The following TENM3 variants were observed in gnomAD, a reference collection of about 807,000 sequenced individuals.
The protein encoded by TENM3 is teneurin transmembrane protein 3.
TENM3 carries 63 observed loss-of-function variants against 255.1 expected under a neutral mutation model. The ratio of observed to expected loss-of-function variants is 0.25; its 90% CI spans 0.20 to 0.30. The LOEUF (loss-of-function observed/expected upper bound fraction) is 0.30. TENM3 is among the 10% of genes least tolerant of loss of function. TENM3 has a pLI of 1.00. For synonymous variants in TENM3, 1,306 were observed against 1,322.3 expected (o/e 0.99, Z 0.27); for missense variants, 2,929 against 3,461.1 (o/e 0.85, Z 3.86).
At chr4:182,311,729 C>T (rs117989370) in intron 1 of TENM3, among the ~76,000 whole-genome samples, 2,130 of 152,212 alleles carry the variant, frequency 0.014, 109 homozygotes, top group Admixed American at 0.087. Context: ...ATTAATAATT[C>T]GTCAAGGAGC....
At chr4:182,627,565 A>G (rs966987533) in intron 4 of TENM3, among the ~76,000 whole-genome samples, 10 of 59,986 alleles carry the variant, frequency 1.7e-4, no homozygotes, top group African/African-American at 6.2e-4. Context: ...TATCTTCTGA[A>G]TGTGAAAGAG....
chr4:181,928,478 A>C, the TENM3 span, among the ~76,000 whole-genome samples: 1 of 151,966 alleles, frequency 6.6e-6, no homozygotes, highest in Non-Finnish European at 1.5e-5. Flanking sequence ...ACAAGATTGG[A>C]GAAAAAAGAA....
At chr4:182,131,945 T>C in the TENM3 span, among the ~76,000 whole-genome samples, 1 of 152,164 alleles carries the variant, frequency 6.6e-6, no homozygotes, top group African/African-American at 2.4e-5. Flanking sequence ...AAGCTAAACA[T>C]TGGAGCAGTT....
chr4:182,434,679 T>G (rs1044564475), intron 3 of TENM3, among the ~76,000 whole-genome samples: 2 of 152,136 alleles, frequency 1.3e-5, no homozygotes, highest in African/African-American at 4.8e-5. Flanking sequence ...TATACTTTAT[T>G]TTTAAGGTTG....
the TENM3 span, among the ~76,000 whole-genome samples, chr4:181,579,592 T>G: frequency 6.6e-6 from 1 of 152,330 alleles, no homozygotes; most frequent in South Asian, 2.1e-4. Flanking sequence ...CTTTTATAAC[T>G]ATACCAAATT....
At chr4:182,101,437 T>C in the TENM3 span, among the ~76,000 whole-genome samples, 1 of 152,118 alleles carries the variant, frequency 6.6e-6, no homozygotes, top group African/African-American at 2.4e-5. Context: ...CCAAGCCCTT[T>C]TCCATGGCAT....
At chr4:182,745,518 G>A (rs1461023475) in intron 19 of TENM3, among the ~76,000 whole-genome samples, 1 of 152,126 alleles carries the variant, frequency 6.6e-6, no homozygotes, top group Non-Finnish European at 1.5e-5. Context: ...TCCATGCCGG[G>A]CATGGTGCCA....
intron 22 of TENM3, among the ~76,000 whole-genome samples, chr4:182,769,506 G>T (rs969147881): frequency 6.6e-6 from 1 of 152,176 alleles, no homozygotes; most frequent in Admixed American, 6.5e-5. Context: ...GTCCTAGGCC[G>T]GGCGTGGTGG....
chr4:182,686,256 T>C (rs889092507), intron 11 of TENM3, among the ~76,000 whole-genome samples: 7 of 152,090 alleles, frequency 4.6e-5, no homozygotes, highest in African/African-American at 1.7e-4. Flanking sequence ...AACTTTGCTA[T>C]TAGCCACAAA....
the TENM3 span, among the ~76,000 whole-genome samples, chr4:181,760,296 G>A: frequency 6.6e-6 from 1 of 151,982 alleles, no homozygotes; most frequent in South Asian, 2.1e-4. Context: ...TAATTTAGCA[G>A]TTAAATCTGC....
chr4:181,462,326 C>A, the TENM3 span, among the ~76,000 whole-genome samples: 2 of 152,066 alleles, frequency 1.3e-5, no homozygotes, highest in African/African-American at 4.8e-5. Flanking sequence ...GAGTCCTTTC[C>A]ATTTCCCTGC....
intron 3 of TENM3, among the ~76,000 whole-genome samples, chr4:182,544,974 A>G (rs76080709): frequency 6.4e-4 from 98 of 152,348 alleles, no homozygotes; most frequent in African/African-American, 2.3e-3. Flanking sequence ...AAAATCTTCA[A>G]CAGTAGATAT....
chr4:182,000,236 A>C, the TENM3 span, among the ~76,000 whole-genome samples: 1 of 152,260 alleles, frequency 6.6e-6, no homozygotes, highest in East Asian at 1.9e-4. Flanking sequence ...TGCATCCAAT[A>C]AAATCGTCAG....
At chr4:181,900,485 TTTG>T in the TENM3 span, among the ~76,000 whole-genome samples, 5 of 152,292 alleles carry the variant, frequency 3.3e-5, no homozygotes, top group African/African-American at 1.2e-4. Context: ...AATACGTATA[TTTG>T]TTGTTTGTTT....
the TENM3 span, among the ~76,000 whole-genome samples, chr4:182,117,200 G>C: frequency 2.6e-5 from 4 of 152,172 alleles, no homozygotes; most frequent in Non-Finnish European, 2.9e-5. Context: ...TTCATCAGCT[G>C]TGTCTTCTGC....
At chr4:181,592,256 A>AACACAC in the TENM3 span, among the ~76,000 whole-genome samples, 31 of 148,420 alleles carry the variant, frequency 2.1e-4, 1 homozygote, top group African/African-American at 6.0e-4. Context: ...TTTAAACACA[A>AACACAC]ACACACACAC....
At chr4:182,510,582 T>C (rs1040389624) in intron 3 of TENM3, among the ~76,000 whole-genome samples, 2 of 152,200 alleles carry the variant, frequency 1.3e-5, no homozygotes, top group African/African-American at 4.8e-5. Flanking sequence ...AATTATATTA[T>C]GGATAATGTG....
the TENM3 span, among the ~76,000 whole-genome samples, chr4:182,138,268 G>A: frequency 3.9e-5 from 6 of 152,292 alleles, no homozygotes; most frequent in East Asian, 9.7e-4. Flanking sequence ...TGTGTGATAA[G>A]CGGTCATCAT....
chr4:182,735,095 A>G (rs1362394440), intron 16 of TENM3, among the ~76,000 whole-genome samples: 1 of 152,178 alleles, frequency 6.6e-6, no homozygotes, highest in Non-Finnish European at 1.5e-5. Context: ...CATTCACCCT[A>G]ACAACCTACA....
Sources: allele counts gnomAD v4.1 joint callset (sites outside exome capture counted in the v4.1 genomes callset), GRCh38; gene constraint gnomAD v4.1.1; transcripts MANE v1.5; gene names NCBI Gene and HGNC (gene_info 2026-07-23, HGNC 2026-07-21).